Variants in HDAC9 observed in about 807,000 individuals in gnomAD.
The protein encoded by HDAC9 is histone deacetylase 9.
Under a neutral mutation model 139.4 loss-of-function variants are expected in HDAC9, and 41 were observed. The observed-to-expected ratio is 0.29, with a 90% confidence interval of 0.23 to 0.38. The LOEUF (loss-of-function observed/expected upper bound fraction) is 0.38. Among genes scored for constraint, HDAC9 ranks in the 10% least tolerant of loss-of-function variants. HDAC9 has a pLI of 1.00. For synonymous variants in HDAC9, 517 were observed against 476.2 expected (o/e 1.09, Z -1.12); for missense variants, 1,147 against 1,297.0 (o/e 0.88, Z 1.78).
At chr7:18,282,714 A>T (rs1274208746) in intron 2 of HDAC9, among the ~76,000 whole-genome samples, 1 of 152,090 alleles carries the variant, frequency 6.6e-6, no homozygotes, top group African/African-American at 2.4e-5. Flanking sequence ...CCACCGGGGG[A>T]AAAATAATAA....
Position 18,496,083 on chromosome 7 carries a change from A to G in HDAC9, c.-42+60A>G, listed in dbSNP as rs184962526. The stretch of plus-strand genomic sequence containing the variant: ...AAAAGTGGATGCCCATTTGAGCAGA[A>G]AGGAAATCATTGTCGAAGTTGATCC... On this transcript the variant is annotated intron_variant, in intron 1 of 25. Transcript: ENST00000686413. The G allele has an allele frequency of 6.3e-6, 9 of 1,422,012 alleles. No homozygotes were observed. In the Admixed American group the frequency reaches 1.3e-4, roughly 20 times the overall value. The allele number at this position is 1,422,012 out of a possible 1,614,324, so 88.1% of individuals were successfully genotyped here. A position where few individuals can be genotyped will look rare whatever the true frequency, so the allele number is the denominator to read the frequency against.
intron 1 of HDAC9, among the ~76,000 whole-genome samples, chr7:18,400,430 G>A (rs1016895785): frequency 1.3e-5 from 2 of 152,174 alleles, no homozygotes; most frequent in East Asian, 1.9e-4. Context: ...ATCAAGATGG[G>A]TGTGGTCTCA....
At position 18,872,378 on chromosome 7, in the gene HDAC9, G is replaced by A. The variant is rs139064414; in HGVS notation, c.2685-2100G>A. On this transcript the variant is annotated intron_variant, in intron 21 of 25. Transcript: ENST00000686413. ...CTTCAGATAGAAACCAGTAGATTCC[G>A]TATATTCAGAGATATGTGGCATAGA... Among the ~76,000 whole-genome samples the A allele has an allele frequency of 4.6e-3, 706 of 152,178 alleles. 5 individuals carry two copies. The highest frequency in any genetic ancestry group is 0.016 in the African/African-American group (680 of 41,544).
intron 6 of HDAC9, among the ~76,000 whole-genome samples, chr7:18,612,262 A>G (rs1270088314): frequency 6.6e-6 from 1 of 152,144 alleles, no homozygotes; most frequent in Admixed American, 6.6e-5. Context: ...AAAACAATGA[A>G]TATATCTCCA....
Position 18,644,660 on chromosome 7 carries a change from T to C in HDAC9, c.913-11T>C, listed in dbSNP as rs1786789968. On this transcript the variant is annotated splice_polypyrimidine_tract_variant and intron_variant, in intron 8 of 25. Transcript: ENST00000686413. The stretch of plus-strand genomic sequence containing the variant: ...CTGTGGTATTTTGAGACTCTCCTCT[T>C]TTTTTAACAGCAAATGGTTTCACAG... The C allele has an allele frequency of 6.2e-7, 1 of 1,605,422 alleles. No individual in the cohort carries two copies. Among genetic ancestry groups the C allele is most frequent in the African/African-American group, 1.3e-5 (1 of 74,600 alleles).
At chr7:18,894,737 G>T (rs1346990721) in intron 22 of HDAC9, among the ~76,000 whole-genome samples, 1 of 152,106 alleles carries the variant, frequency 6.6e-6, no homozygotes, top group East Asian at 1.9e-4. Context: ...TGTGATGCTG[G>T]TCATCTTCTA....
At chr7:18,866,830 G>A (rs1798536666) in intron 21 of HDAC9, among the ~76,000 whole-genome samples, 1 of 152,134 alleles carries the variant, frequency 6.6e-6, no homozygotes, top group African/African-American at 2.4e-5. Flanking sequence ...GCACATGCTG[G>A]GGTGAGTCAT....
intron 2 of HDAC9, among the ~76,000 whole-genome samples, chr7:18,226,426 A>G: frequency 6.6e-6 from 1 of 152,102 alleles, no homozygotes; most frequent in East Asian, 1.9e-4. Context: ...GAAAAAAAAA[A>G]GGGATAGAAG....
At chr7:18,209,706 T>C (rs558458315) in intron 2 of HDAC9, among the ~76,000 whole-genome samples, 2 of 150,634 alleles carry the variant, frequency 1.3e-5, no homozygotes, top group African/African-American at 5.0e-5. Context: ...GGTACTTTTT[T>C]CTTTTTTTTT....
chr7:18,328,176 G>A (rs1384722459), intron 1 of HDAC9, among the ~76,000 whole-genome samples: 1 of 151,916 alleles, frequency 6.6e-6, no homozygotes, highest in African/African-American at 2.4e-5. Flanking sequence ...AATTGGAGAG[G>A]AAACTACACA....
intron 22 of HDAC9, among the ~76,000 whole-genome samples, chr7:18,934,413 G>A (rs1781477709): frequency 6.6e-6 from 1 of 152,050 alleles, no homozygotes; most frequent in Admixed American, 6.5e-5. Context: ...AAATCCAGGT[G>A]TGTACTAAAA....
In HDAC9 at chr7:18,835,757, C is replaced by T. The variant is rs556821882; in HGVS notation, c.2587-143C>T. 53 of 1,041,036 alleles carry T rather than the reference C, an allele frequency of 5.1e-5. No homozygotes were observed. In the South Asian group the frequency reaches 7.0e-4, roughly 14 times the overall value. 64.5% of individuals were successfully genotyped at this position (1,041,036 alleles called of 1,614,324 possible). ...CAGAACAAGTGCATAACCCAGAGCA[C>T]TGTTTGTCAGGGAAGGTTGGGCTGA... On this transcript the variant is annotated intron_variant, in intron 20 of 25. Transcript: ENST00000686413.
intron 11 of HDAC9, among the ~76,000 whole-genome samples, chr7:18,650,022 T>C (rs1407027191): frequency 6.6e-6 from 1 of 152,178 alleles, no homozygotes; most frequent in East Asian, 1.9e-4. Context: ...CGGTTTCATA[T>C]CAAATTATTT....
At chr7:18,834,473 A>C (rs1796080786) in intron 19 of HDAC9, among the ~76,000 whole-genome samples, 1 of 151,706 alleles carries the variant, frequency 6.6e-6, no homozygotes, top group Admixed American at 6.6e-5. Context: ...CAATTCTGGC[A>C]CGTATCTGTA....
intron 1 of HDAC9, among the ~76,000 whole-genome samples, chr7:18,154,235 G>A (rs1474409908): frequency 1.3e-5 from 2 of 151,902 alleles, no homozygotes; most frequent in Non-Finnish European, 2.9e-5. Context: ...AAAGATTAAA[G>A]TAAACATGGT....
chr7:18,836,828 T>C (rs753112270), intron 21 of HDAC9, among the ~76,000 whole-genome samples: 4 of 151,974 alleles, frequency 2.6e-5, no homozygotes, highest in Non-Finnish European at 5.9e-5. Flanking sequence ...TTTTAGCCTA[T>C]TGGTAATGCA....
intron 8 of HDAC9, among the ~76,000 whole-genome samples, chr7:18,635,569 C>A (rs1362674044): frequency 6.6e-6 from 1 of 152,052 alleles, no homozygotes; most frequent in African/African-American, 2.4e-5. Context: ...CTGAAAATAG[C>A]CACTCATGAA....
At chr7:18,657,366 T>G (rs1791567350) in intron 11 of HDAC9, among the ~76,000 whole-genome samples, 1 of 152,130 alleles carries the variant, frequency 6.6e-6, no homozygotes, top group African/African-American at 2.4e-5. Context: ...AGTGATTCAT[T>G]GGTTTGAGAT....
chr7:18,657,327 G>A (rs1281105543), intron 11 of HDAC9, among the ~76,000 whole-genome samples: 1 of 152,114 alleles, frequency 6.6e-6, no homozygotes, highest in East Asian at 1.9e-4. Flanking sequence ...ATCAATGGGG[G>A]AAATGGCGAT....
Sources: gnomAD v4.1 joint callset for allele counts (sites outside exome capture counted in the v4.1 genomes callset) on GRCh38, gnomAD v4.1.1 for gene constraint, MANE v1.5 for transcripts, NCBI Gene and HGNC (gene_info 2026-07-23, HGNC 2026-07-21) for gene names.